Variants in HIBCH observed in about 807,000 individuals in gnomAD.
HIBCH encodes 3-hydroxyisobutyryl-CoA hydrolase.
A neutral mutation model predicts 58.2 loss-of-function variants in HIBCH; 50 were observed. That is an observed-to-expected ratio of 0.86 (90% CI 0.68 to 1.09). HIBCH has a LOEUF of 1.09. Ranked by LOEUF, HIBCH falls within the 50% of genes least tolerant of loss-of-function variation. The pLI is 0.00. For synonymous variants in HIBCH, 151 were observed against 146.9 expected (o/e 1.03, Z -0.20); for missense variants, 450 against 449.7 (o/e 1.00, Z -0.01).
At chr2:190,231,538 C>T (rs1221527369) in intron 11 of HIBCH, among the ~76,000 whole-genome samples, 1 of 152,130 alleles carries the variant, frequency 6.6e-6, no homozygotes, top group African/African-American at 2.4e-5. Context: ...TGAACTTCTT[C>T]ACACTGACAA....
chr2:190,296,289 G>A (rs760403452), intron 3 of HIBCH, among the ~76,000 whole-genome samples: 36 of 152,162 alleles, frequency 2.4e-4, no homozygotes, highest in African/African-American at 5.8e-4. Context: ...GTGTGGTGGC[G>A]GGCACCTGTA....
At chr2:190,302,643 T>C (rs1423082238) in intron 2 of HIBCH, among the ~76,000 whole-genome samples, 3 of 152,150 alleles carry the variant, frequency 2.0e-5, no homozygotes, top group Admixed American at 1.3e-4. Flanking sequence ...AGACTAATGG[T>C]GGCTAATAAG....
intron 1 of HIBCH, among the ~76,000 whole-genome samples, chr2:190,194,504 A>ACACACACACACACACG (rs1177668359): frequency 6.7e-6 from 1 of 149,514 alleles, no homozygotes; most frequent in Non-Finnish European, 1.5e-5. Context: ...ACACACACAC[A>ACACACACACACACACG]CACACACACA....
At chr2:190,282,384 C>G (rs553533325) in intron 6 of HIBCH, among the ~76,000 whole-genome samples, 1 of 152,298 alleles carries the variant, frequency 6.6e-6, no homozygotes, top group East Asian at 1.9e-4. Context: ...CCTTATGTTA[C>G]ATGAAAACAT....
intron 1 of HIBCH, among the ~76,000 whole-genome samples, chr2:190,314,793 CA>C (rs1297417988): frequency 6.6e-6 from 1 of 152,022 alleles, no homozygotes; most frequent in Non-Finnish European, 1.5e-5. Flanking sequence ...CGTTCTAATT[CA>C]AATTCAGCTG....
chr2:190,280,052 CCTGG>C (rs138801241), intron 6 of HIBCH: 2,257 of 152,194 alleles, frequency 0.015, 60 homozygotes, highest in African/African-American at 0.05. Flanking sequence ...GTAAAAATGG[CCTGG>C]CTGAGAAAAT....
chr2:190,227,057 T>A (rs1575706240), intron 11 of HIBCH, among the ~76,000 whole-genome samples: 1 of 152,152 alleles, frequency 6.6e-6, no homozygotes, highest in African/African-American at 2.4e-5. Flanking sequence ...ATGACTTTCT[T>A]CACAGAATTG....
chr2:190,268,229 A>G (rs189688987), intron 6 of HIBCH, among the ~76,000 whole-genome samples: 13 of 152,322 alleles, frequency 8.5e-5, no homozygotes, highest in African/African-American at 3.1e-4. Flanking sequence ...AAAAAGTTAT[A>G]CCACTTTCCT....
rs971817299 is a variant in HIBCH at position 190,211,769 on chromosome 2, G to A, written c.1011+1187C>T. On this transcript the variant is annotated intron_variant, in intron 12 of 13. Coordinates refer to ENST00000359678, the MANE Select transcript of HIBCH (RefSeq NM_014362.4). This position sits in a 1 kb window ranked among gnomAD's most constrained non-coding sequence, Gnocchi z 5.0. ...TGTTTACTTGTTCTTTGTAGTCTCA[G>A]TAGACTAAACCCATGAAAATAAAGG... is the stretch of plus-strand genomic sequence containing the variant. Among the ~76,000 whole-genome samples the A allele has an allele frequency of 2.6e-5, 4 of 152,094 alleles. No homozygotes were observed. Among genetic ancestry groups the A allele is most frequent in the African/African-American group, 9.7e-5 (4 of 41,394 alleles).
chr2:190,200,020 A>G (rs1690173486), downstream of HIBCH: 1 of 1,614,078 alleles, frequency 6.2e-7, no homozygotes, highest in South Asian at 1.1e-5. Context: ...ACCTCCAGGG[A>G]CCAATACTGT....
chr2:190,288,710 A>G (rs1279900798), intron 5 of HIBCH, among the ~76,000 whole-genome samples: 1 of 152,156 alleles, frequency 6.6e-6, no homozygotes, highest in African/African-American at 2.4e-5. Context: ...AACTTAAAAT[A>G]AAAGCTAAAA....
chr2:190,309,634 C>A (rs1472812319), intron 2 of HIBCH, among the ~76,000 whole-genome samples: 1 of 151,544 alleles, frequency 6.6e-6, no homozygotes, highest in African/African-American at 2.4e-5. Flanking sequence ...TGGCTCACTG[C>A]AAGCTCTGCC....
intron 11 of HIBCH, 160 bp from the exon 12 acceptor site, chr2:190,213,235 T>G: frequency 1.6e-6 from 1 of 612,622 alleles, no homozygotes; most frequent in South Asian, 2.0e-5. Context: ...AAAACTTTTC[T>G]AATCTGCTAC....
At chr2:190,240,649 C>T (rs1433791012) in intron 11 of HIBCH, among the ~76,000 whole-genome samples, 1 of 152,206 alleles carries the variant, frequency 6.6e-6, no homozygotes, top group Non-Finnish European at 1.5e-5. Flanking sequence ...CCTCTAAACA[C>T]TGCTTTAGCT....
At chr2:190,284,361 T>C (rs1316295592) in intron 6 of HIBCH, among the ~76,000 whole-genome samples, 2 of 152,100 alleles carry the variant, frequency 1.3e-5, no homozygotes, top group East Asian at 3.9e-4. Flanking sequence ...GCTAGAGCAA[T>C]ATAATTCTCA....
chr2:190,288,288 A>C (rs4853689), intron 5 of HIBCH, among the ~76,000 whole-genome samples: 30,827 of 151,530 alleles, frequency 0.2, 3,383 homozygotes, highest in East Asian at 0.32. Context: ...TCTCAGTAGA[A>C]ACTTTTGTGA....
At chr2:190,191,618 TC>T (rs1012368673) in intron 1 of HIBCH, among the ~76,000 whole-genome samples, 1 of 152,226 alleles carries the variant, frequency 6.6e-6, no homozygotes, top group Non-Finnish European at 1.5e-5. Context: ...GTGCAGTTGC[TC>T]TGTATATGCA....
intron 2 of HIBCH, among the ~76,000 whole-genome samples, chr2:190,299,583 C>T (rs929918980): frequency 6.6e-6 from 1 of 152,024 alleles, no homozygotes; most frequent in East Asian, 1.9e-4. Flanking sequence ...ACTTACAGAA[C>T]CTGAAACAGT....
chr2:190,252,427 A>G (rs1575726407), intron 7 of HIBCH, 120 bp from the exon 8 acceptor site: 2 of 818,238 alleles, frequency 2.4e-6, no homozygotes, highest in East Asian at 5.3e-5. Flanking sequence ...CATTACAAAC[A>G]TTATTAAACT....
Sources: gnomAD v4.1 joint callset for allele counts (sites outside exome capture counted in the v4.1 genomes callset) on GRCh38, gnomAD v4.1.1 for gene constraint, Gnocchi (gnomAD v3.1) non-coding constraint, MANE v1.5 for transcripts, NCBI Gene and HGNC (gene_info 2026-07-23, HGNC 2026-07-21) for gene names.